Variants in ZNF189 observed in about 807,000 individuals in gnomAD.
ZNF189 encodes the protein zinc finger protein 189.
In ZNF189, 33 loss-of-function variants were observed where a neutral mutation model predicts 53.5. The ratio of observed to expected loss-of-function variants is 0.62; its 90% confidence interval spans 0.47 to 0.82. ZNF189 has a LOEUF of 0.82. Among genes scored for constraint, ZNF189 ranks in the 40% least tolerant of loss-of-function variants. The pLI, the probability that ZNF189 is intolerant of heterozygous loss-of-function variation, is 0.00. For synonymous variants in ZNF189, 247 were observed against 238.8 expected, an observed-to-expected ratio of 1.03 and a Z score of -0.32; for missense variants, 711 against 753.9, an observed-to-expected ratio of 0.94 and a Z score of 0.67.
chr9:101,400,020 T>A lies in ZNF189; in HGVS notation c.160+10T>A, dbSNP rs892568317. The A allele has an allele frequency of 1.2e-6, 2 of 1,611,458 alleles. No individual in the cohort carries two copies. Among genetic ancestry groups the A allele is most frequent in the Non-Finnish European group, 1.7e-6 (2 of 1,179,370 alleles). On this transcript the variant is annotated intron_variant, in intron 2 of 2. Coordinates refer to ENST00000339664, the MANE Select transcript of ZNF189 (RefSeq NM_003452.4). ...AACCTGGTCTCACTGGGTAAGAATCTGCTGTTTCTCTAATTAAAATATCTA... is the reference window on the plus strand; with the variant it reads ...AACCTGGTCTCACTGGGTAAGAATCAGCTGTTTCTCTAATTAAAATATCTA...
Position 101,399,625 on chromosome 9 carries a change from T to G in ZNF189, c.34-259T>G, listed in dbSNP as rs1830455145. 4 of 1,302,088 alleles carry G rather than the reference T, an allele frequency of 3.1e-6. No individual in the cohort carries two copies. In the South Asian group the frequency reaches 5.1e-5, roughly 16 times the overall value. The allele number at this position is 1,302,088 out of a possible 1,614,324, so 80.7% of individuals were successfully genotyped here. On this transcript the variant is annotated intron_variant, in intron 1 of 2. Coordinates refer to ENST00000339664, the MANE Select transcript of ZNF189 (RefSeq NM_003452.4). ...AGTAGGCAATGAGGTGAGGGAAGCT[T>G]GGAGAGGCCTTGGGGCAGTTTACTA...
At position 101,405,283 on chromosome 9, in the gene ZNF189, G is replaced by A. The variant is rs183230728; in HGVS notation, c.161-2646G>A. Among the ~76,000 whole-genome samples the A allele has an allele frequency of 2.6e-3, 402 of 152,292 alleles. 5 individuals are homozygous for A. Among genetic ancestry groups the A allele is most frequent in the Non-Finnish European group, 2.8e-3 (188 of 68,018 alleles). On this transcript the variant is annotated intron_variant, in intron 2 of 2. Transcript: ENST00000339664. ...CTAGAATCAGTAAGGCATATATAATGTGTTGGCAGCCTAAAGACTGGAGCC... is the reference window on the plus strand; with the variant it reads ...CTAGAATCAGTAAGGCATATATAATATGTTGGCAGCCTAAAGACTGGAGCC...
chr9:101,401,775 G>C (rs1445715871), intron 2 of ZNF189, among the ~76,000 whole-genome samples: 1 of 152,106 alleles, frequency 6.6e-6, no homozygotes, highest in African/African-American at 2.4e-5. Context: ...CCTTATTTTA[G>C]TCTACCTCTC....
At chr9:101,407,845 G>A (rs1212864251) in intron 2 of ZNF189, 84 bp from the exon 3 acceptor site, 4 of 1,345,528 alleles carry the variant, frequency 3.0e-6, no homozygotes, top group Non-Finnish European at 3.9e-6. Context: ...GACTTTATTT[G>A]TTTCTTTGTT....
chr9:101,409,240 A>G lies in ZNF189; in HGVS notation c.1472A>G (p.Lys491Arg), dbSNP rs1186990428. The part of the protein sequence containing the change: ...EKPYLCTVCG[K>R]SFSRSSFLIE... ...CCCTATCTATGTACTGTCTGTGGGAAAAGCTTCAGCCGGAGCTCATTTCTT... is the reference window on the plus strand; with the variant it reads ...CCCTATCTATGTACTGTCTGTGGGAGAAGCTTCAGCCGGAGCTCATTTCTT... Residue 491 changes from lysine to arginine, a missense_variant, in exon 3 of 3, where the codon AAA becomes AGA. Physicochemically the swap from Lys to Arg is conservative, Grantham distance 26. Coordinates refer to ENST00000339664, the MANE Select transcript of ZNF189 (RefSeq NM_003452.4). 2.1e-5 allele frequency: 34 copies of G among 1,613,388 alleles called. No individual in the cohort carries two copies. Among genetic ancestry groups the G allele is most frequent in the Non-Finnish European group, 2.8e-5 (33 of 1,179,554 alleles).
intron 2 of ZNF189, among the ~76,000 whole-genome samples, chr9:101,401,612 G>T (rs191018777): frequency 6.6e-6 from 1 of 152,282 alleles, no homozygotes; most frequent in East Asian, 1.9e-4. Flanking sequence ...TCTCTTCATA[G>T]TCAAGATTTT....
intron 2 of ZNF189, among the ~76,000 whole-genome samples, chr9:101,403,497 C>G (rs1464471779): frequency 6.6e-6 from 1 of 152,178 alleles, no homozygotes; most frequent in Non-Finnish European, 1.5e-5. Context: ...CAACTCTTGT[C>G]TAGCTTTATA....
At chr9:101,401,951 G>A (rs1830552564) in intron 2 of ZNF189, among the ~76,000 whole-genome samples, 1 of 151,060 alleles carries the variant, frequency 6.6e-6, no homozygotes, top group African/African-American at 2.4e-5. Context: ...GCCTCATTCT[G>A]TTGCCCAGGC....
chr9:101,401,623 G>GT (rs1269186086), intron 2 of ZNF189, among the ~76,000 whole-genome samples: 1 of 152,176 alleles, frequency 6.6e-6, no homozygotes, highest in African/African-American at 2.4e-5. Context: ...TCAAGATTTT[G>GT]TAAGAGTAGT....
At chr9:101,405,698 G>A (rs556735519) in intron 2 of ZNF189, among the ~76,000 whole-genome samples, 15 of 152,266 alleles carry the variant, frequency 9.9e-5, no homozygotes, top group African/African-American at 3.4e-4. Context: ...GAATGTGGTA[G>A]TGTAGAAACC....
rs1415597421 is a variant in ZNF189 at position 101,409,159 on chromosome 9, CTT to C, written c.1394_1395del (p.Phe465Ter). 1.9e-6 allele frequency: 3 copies of C among 1,613,996 alleles called. No individual in the cohort carries two copies. In the African/African-American group the frequency reaches 4.0e-5, roughly 22 times the overall value. On this transcript the variant is annotated frameshift_variant, in exon 3 of 3. Transcript: ENST00000339664. LOFTEE classifies it high-confidence loss of function. ...TATAAATGTGATGAATGTGGGAAAA[CTT>C]TTAGTGTTAGTGCTCATCTTGTACA...
rs1433144744 is a variant in ZNF189, at chr9:101,404,692, A to G, written c.161-3237A>G. Among the ~76,000 whole-genome samples, 4 of 152,324 alleles carry G rather than the reference A, an allele frequency of 2.6e-5. No individual in the cohort carries two copies. In the East Asian group the frequency reaches 7.7e-4, roughly 29 times the overall value. On this transcript the variant is annotated intron_variant, in intron 2 of 2. Coordinates refer to ENST00000339664, the MANE Select transcript of ZNF189 (RefSeq NM_003452.4). ...GGAATTTTAGGTATATATTCATATC[A>G]TCTTCAAGTAATGATCATTTTGTCT...
In ZNF189 at chr9:101,409,753, T is replaced by C. The variant is rs911846537; in HGVS notation, c.*104T>C. The C allele has an allele frequency of 8.2e-5, 110 of 1,333,356 alleles. No individual in the cohort carries two copies. The Middle Eastern group carries it at 2.0e-3, about 24-fold the overall frequency. The allele number at this position is 1,333,356 out of a possible 1,614,324, so 82.6% of individuals were successfully genotyped here. ...GATTTAGTGATAAAGCAAATTCTCCTTGGCCTCAGGCAAATAGTTTCTAAA... is the reference window on the plus strand; with the variant it reads ...GATTTAGTGATAAAGCAAATTCTCCCTGGCCTCAGGCAAATAGTTTCTAAA... On this transcript the variant is annotated 3_prime_UTR_variant, in exon 3 of 3. Transcript: ENST00000339664.
chr9:101,401,596 A>G (rs1212836896), intron 2 of ZNF189, among the ~76,000 whole-genome samples: 3 of 152,078 alleles, frequency 2.0e-5, no homozygotes, highest in Non-Finnish European at 4.4e-5. Flanking sequence ...ATGATTTACT[A>G]CTTGTTCTCT....
intron 2 of ZNF189, among the ~76,000 whole-genome samples, chr9:101,403,098 A>ATGTGTGTGTGTGTGTGTGTGTG (rs3983733): frequency 2.7e-5 from 4 of 148,570 alleles, no homozygotes; most frequent in South Asian, 4.3e-4. Context: ...AGCTGCTGAT[A>ATGTGTGTGTGTGTGTGTGTGTG]TGTGTGTGTG....
At position 101,400,202 on chromosome 9, in the gene ZNF189, G is replaced by A. The variant is rs545714978; in HGVS notation, c.160+192G>A. Among the ~76,000 whole-genome samples the A allele has an allele frequency of 1.3e-4, 20 of 152,190 alleles. No individual in the cohort carries two copies. The East Asian group carries it at 2.7e-3, about 21-fold the overall frequency. ...GAGGTGACCAAACTGCAAGCCTTTC[G>A]GGCATCCTGTCTTCATAATCTCATT... On this transcript the variant is annotated intron_variant, in intron 2 of 2. Transcript: ENST00000339664.
rs1237431700 is a variant in ZNF189 at position 101,408,448 on chromosome 9, C to T, written c.680C>T (p.Thr227Ile). ...STLIRHQRIH[T>I]GERPYQCNQC... The stretch of plus-strand genomic sequence containing the variant: ...CTTATTAGACATCAGAGAATCCACA[C>T]TGGAGAAAGACCCTATCAGTGTAAT... The change falls in exon 3 of 3, where the codon ACT becomes ATT. Residue 227 changes from threonine (T) to isoleucine (I), a missense_variant. Thr to Ile is a moderately conservative substitution (Grantham distance 89, BLOSUM62 -1). Transcript: ENST00000339664. 1 of 1,613,968 alleles carries T rather than the reference C, an allele frequency of 6.2e-7. No homozygotes were observed. Among genetic ancestry groups the T allele is most frequent in the East Asian group, 2.2e-5 (1 of 44,844 alleles).
rs1272171617 is a variant in ZNF189, at chr9:101,408,776, A to C, written c.1008A>C (p.Lys336Asn). The change falls in exon 3 of 3, where the codon AAA (lysine) becomes AAC (asparagine). Residue 336 changes from lysine to asparagine, a missense_variant. Transcript: ENST00000339664. Reference protein sequence around the residue: ...RLSTYLIQHQKIHTGEKPFLC... With the variant: ...RLSTYLIQHQNIHTGEKPFLC... Reference sequence around the variant, plus strand: ...GCACATACCTTATACAACACCAAAAAATTCACACTGGCGAGAAGCCTTTTC... The same window carrying C: ...GCACATACCTTATACAACACCAAAACATTCACACTGGCGAGAAGCCTTTTC... The C allele has an allele frequency of 6.2e-7, 1 of 1,614,074 alleles. No individual in the cohort carries two copies. Among genetic ancestry groups the C allele is most frequent in the Non-Finnish European group, 8.5e-7 (1 of 1,180,012 alleles).
In ZNF189 at chr9:101,400,139, CATTA is replaced by C; in HGVS notation, c.160+133_160+136del. ...AAAGTTCTGATTCAAACCTTTTAGC[CATTA>C]ATTGTTTCCATAACTCTCATCCCTA... On this transcript the variant is annotated intron_variant, in intron 2 of 2. Coordinates refer to ENST00000339664, the MANE Select transcript of ZNF189 (RefSeq NM_003452.4). 2.4e-6 allele frequency: 3 copies of C among 1,268,048 alleles called. No homozygotes were observed. The South Asian group carries it at 4.4e-5, about 19-fold the overall frequency. 78.5% of individuals were successfully genotyped at this position (1,268,048 alleles called of 1,614,324 possible).
Sources: gnomAD v4.1 joint callset for allele counts (sites outside exome capture counted in the v4.1 genomes callset) on GRCh38, gnomAD v4.1.1 for gene constraint, MANE v1.5 for transcripts, NCBI Gene and HGNC (gene_info 2026-07-23, HGNC 2026-07-21) for gene names.